The following PALLD variants were observed in gnomAD, a reference collection of about 807,000 sequenced individuals.
PALLD encodes the protein palladin, cytoskeletal associated protein, also known as palladin.
Under a neutral mutation model 123.5 loss-of-function variants are expected in PALLD, and 61 were observed. The ratio of observed to expected loss-of-function variants is 0.49; its 90% confidence interval spans 0.40 to 0.61. The LOEUF (loss-of-function observed/expected upper bound fraction) is 0.61, where lower values mean the gene tolerates loss of function less well. Among genes scored for constraint, PALLD ranks in the 20% least tolerant of loss-of-function variants. PALLD has a pLI of 0.00. For synonymous variants in PALLD, 465 were observed against 496.4 expected (o/e 0.94, Z 0.84); for missense variants, 1,273 against 1,377.0 (o/e 0.92, Z 1.20).
intron 2 of PALLD, among the ~76,000 whole-genome samples, chr4:168,593,657 C>T (rs944443064): frequency 6.6e-6 from 1 of 152,050 alleles, no homozygotes; most frequent in Admixed American, 6.6e-5. Flanking sequence ...ATATACATCT[C>T]CACTCCAACA....
At chr4:168,572,028 C>A (rs1413202126) in intron 2 of PALLD, among the ~76,000 whole-genome samples, 2 of 152,080 alleles carry the variant, frequency 1.3e-5, no homozygotes, top group Non-Finnish European at 2.9e-5. Context: ...GGTGGCTGGT[C>A]AATAGGCTTG....
intron 11 of PALLD, chr4:168,894,316 T>G: frequency 2.0e-6 from 1 of 491,032 alleles, no homozygotes; most frequent in Non-Finnish European, 3.7e-6. Context: ...TTCTGTGTGG[T>G]TTCTTCCTTG....
rs1204911097 is a variant in PALLD at position 168,926,435 on chromosome 4, C to G, written c.*255C>G. Reference sequence around the variant, plus strand: ...ACACTGAAACAGCCATTGCCTTGACCAACATATTCCTTTGTCACATTATGT... The same window carrying G: ...ACACTGAAACAGCCATTGCCTTGACGAACATATTCCTTTGTCACATTATGT... On this transcript the variant is annotated 3_prime_UTR_variant, in exon 22 of 22. Coordinates refer to ENST00000505667, the MANE Select transcript of PALLD (RefSeq NM_001166108.2). The G allele has an allele frequency of 3.1e-6, 4 of 1,293,036 alleles. No individual in the cohort carries two copies. Among genetic ancestry groups the G allele is most frequent in the Non-Finnish European group, 4.3e-6 (4 of 926,152 alleles). The allele number at this position is 1,293,036 out of a possible 1,614,324, so 80.1% of individuals were successfully genotyped here.
At chr4:168,593,440 A>AAAAAAAGAAAAAAAG (rs1771653502) in intron 2 of PALLD, among the ~76,000 whole-genome samples, 1 of 140,896 alleles carries the variant, frequency 7.1e-6, no homozygotes, top group Non-Finnish European at 1.5e-5. Flanking sequence ...ACCAGGCAAA[A>AAAAAAAGAAAAAAAG]AAAAAAGAAA....
chr4:168,625,520 C>CGA (rs1775178123), intron 2 of PALLD, among the ~76,000 whole-genome samples: 1 of 25,076 alleles, frequency 4.0e-5, no homozygotes, highest in Non-Finnish European at 1.2e-4. Flanking sequence ...TATATATATC[C>CGA]TATAAGGGGT....
chr4:168,721,275 A>G (rs1785986394), intron 10 of PALLD, among the ~76,000 whole-genome samples: 1 of 152,174 alleles, frequency 6.6e-6, no homozygotes, highest in African/African-American at 2.4e-5. Flanking sequence ...AGTCATCCCT[A>G]CTGGGTAGAG....
chr4:168,831,892 A>G, intron 10 of PALLD: 3 of 578,030 alleles, frequency 5.2e-6, no homozygotes, highest in Middle Eastern at 8.7e-4. Context: ...AGAAAGATGC[A>G]AAGGGCGGGA....
intron 10 of PALLD, among the ~76,000 whole-genome samples, chr4:168,809,964 G>C (rs1035776603): frequency 6.6e-6 from 1 of 152,076 alleles, no homozygotes; most frequent in Non-Finnish European, 1.5e-5. Flanking sequence ...GGAGGGTGGA[G>C]AGAACAATGT....
At chr4:168,573,951 T>G (rs542445519) in intron 2 of PALLD, among the ~76,000 whole-genome samples, 155 of 152,148 alleles carry the variant, frequency 1.0e-3, no homozygotes, top group African/African-American at 3.6e-3. Flanking sequence ...TTTTTTTTTT[T>G]GCAAGGTTTA....
At chr4:168,895,765 A>G (rs1160411507) in intron 12 of PALLD, among the ~76,000 whole-genome samples, 1 of 152,246 alleles carries the variant, frequency 6.6e-6, no homozygotes, top group Non-Finnish European at 1.5e-5. Flanking sequence ...GTGTTGTTCA[A>G]AGATCAACTG....
chr4:168,601,309 T>C (rs1772623933), intron 2 of PALLD, among the ~76,000 whole-genome samples: 1 of 152,200 alleles, frequency 6.6e-6, no homozygotes, highest in Non-Finnish European at 1.5e-5. Flanking sequence ...ATAAGACTCA[T>C]TATGGTCATT....
In PALLD at chr4:168,845,211, T is replaced by C. The variant is rs150953686; in HGVS notation, c.1965-45711T>C. Reference sequence around the variant, plus strand: ...CCATGGAAAACATGAAAATGTGCTTTCTATCAAGGGATACGGTCAGAAATC... The same window carrying C: ...CCATGGAAAACATGAAAATGTGCTTCCTATCAAGGGATACGGTCAGAAATC... On this transcript the variant is annotated intron_variant, in intron 10 of 21. Transcript: ENST00000505667. Among the ~76,000 whole-genome samples the C allele has an allele frequency of 4.7e-3, 714 of 152,290 alleles. 6 individuals are homozygous for C. Among genetic ancestry groups the C allele is most frequent in the African/African-American group, 0.017 (690 of 41,554 alleles).
chr4:168,549,089 A>G (rs1366748681), intron 2 of PALLD, among the ~76,000 whole-genome samples: 1 of 152,224 alleles, frequency 6.6e-6, no homozygotes, highest in African/African-American at 2.4e-5. Context: ...AAATATAATT[A>G]TCTCAGAAAA....
chr4:168,786,109 C>T lies in PALLD; in HGVS notation c.1964+74186C>T, dbSNP rs548931794. On this transcript the variant is annotated intron_variant, in intron 10 of 21. Transcript: ENST00000505667. ...CTTTGAGAGGCCGAGGAGGGCGGAT[C>T]ATGTGGTCAAGAGATTGAGACCAGC... 1.1e-4 allele frequency among the ~76,000 whole-genome samples: 16 copies of T among 151,970 alleles called. No homozygotes were observed. In the South Asian group the frequency reaches 2.1e-3, roughly 20 times the overall value.
At chr4:168,822,145 C>A (rs955239765) in intron 10 of PALLD, among the ~76,000 whole-genome samples, 3 of 152,068 alleles carry the variant, frequency 2.0e-5, no homozygotes, top group African/African-American at 7.2e-5. Flanking sequence ...GACCTCATTT[C>A]CAAGAGGACT....
chr4:168,848,209 G>C (rs1247385823), intron 10 of PALLD, among the ~76,000 whole-genome samples: 1 of 103,388 alleles, frequency 9.7e-6, no homozygotes, highest in Non-Finnish European at 1.8e-5. Context: ...CAAACTGAGA[G>C]GAACTCCTCC....
At chr4:168,884,183 T>A (rs1041076681) in intron 10 of PALLD, among the ~76,000 whole-genome samples, 5 of 152,214 alleles carry the variant, frequency 3.3e-5, no homozygotes, top group Admixed American at 6.5e-5. Flanking sequence ...ATACTCCACT[T>A]TTATTTCTAA....
intron 10 of PALLD, among the ~76,000 whole-genome samples, chr4:168,770,784 C>T (rs1036868377): frequency 1.4e-4 from 21 of 152,216 alleles, no homozygotes; most frequent in Middle Eastern, 3.4e-3. Context: ...CTGGGCTGGG[C>T]GCCATGGCTC....
At chr4:168,624,405 CAA>C (rs1356564207) in intron 2 of PALLD, among the ~76,000 whole-genome samples, 5 of 151,970 alleles carry the variant, frequency 3.3e-5, no homozygotes, top group African/African-American at 1.2e-4. Context: ...CCACCCCCCG[CAA>C]AAAAGCTTCT....
Sources: gnomAD v4.1 joint callset for allele counts (sites outside exome capture counted in the v4.1 genomes callset) on GRCh38, gnomAD v4.1.1 for gene constraint, MANE v1.5 for transcripts, NCBI Gene and HGNC (gene_info 2026-07-23, HGNC 2026-07-21) for gene names.